ADGRL3: variants seen among roughly 807,000 people sequenced by gnomAD.
ADGRL3 encodes adhesion G protein-coupled receptor L3.
In ADGRL3, 62 loss-of-function variants were observed where a neutral mutation model predicts 153.5. The observed-to-expected ratio is 0.40, with a 90% CI of 0.33 to 0.50. ADGRL3 has a LOEUF of 0.50. Ranked by LOEUF, ADGRL3 falls within the 20% of genes least tolerant of loss-of-function variation. ADGRL3 has a pLI of 0.47. For synonymous variants in ADGRL3, 710 were observed against 672.5 expected (o/e 1.06, Z -0.86); for missense variants, 1,641 against 1,859.4 (o/e 0.88, Z 2.16).
chr4:61,471,258 T>G (rs1184364808), intron 2 of ADGRL3, among the ~76,000 whole-genome samples: 1 of 151,752 alleles, frequency 6.6e-6, no homozygotes, highest in Non-Finnish European at 1.5e-5. Flanking sequence ...GCTTTAAGTG[T>G]TTTTTTAAAA....
chr4:61,611,246 C>A (rs1348696336), intron 5 of ADGRL3, among the ~76,000 whole-genome samples: 4 of 152,014 alleles, frequency 2.6e-5, no homozygotes, highest in Non-Finnish European at 5.9e-5. Context: ...TGCGGAAGAA[C>A]CCTTACAGGT....
intron 6 of ADGRL3, among the ~76,000 whole-genome samples, chr4:61,688,750 A>C (rs2095490315): frequency 6.6e-6 from 1 of 152,104 alleles, no homozygotes; most frequent in African/African-American, 2.4e-5. Context: ...TATTTGTATA[A>C]TTTCACAGAC....
At chr4:61,755,985 G>A (rs541625065) in intron 8 of ADGRL3, among the ~76,000 whole-genome samples, 5 of 152,240 alleles carry the variant, frequency 3.3e-5, no homozygotes, top group South Asian at 2.1e-4. Context: ...CTATATCTCT[G>A]TTTTGGTACC....
At chr4:61,958,400 T>C (rs970029609) in intron 17 of ADGRL3, among the ~76,000 whole-genome samples, 2 of 151,898 alleles carry the variant, frequency 1.3e-5, no homozygotes, top group East Asian at 3.9e-4. Context: ...TTTCTTTCTT[T>C]CTTTCTTTCT....
intron 2 of ADGRL3, among the ~76,000 whole-genome samples, chr4:61,426,446 T>TG (rs34515984): frequency 0.46 from 70,111 of 151,940 alleles, 16,447 homozygotes; most frequent in Middle Eastern, 0.6. Context: ...CCATCGGGAA[T>TG]GGGGGGGTGC....
chr4:61,957,906 C>G (rs986956602), intron 17 of ADGRL3, among the ~76,000 whole-genome samples: 1 of 151,478 alleles, frequency 6.6e-6, no homozygotes, highest in African/African-American at 2.4e-5. Flanking sequence ...ATAAAACACA[C>G]TCTGCCTCTT....
chr4:61,955,378 A>C (rs1278364175), intron 17 of ADGRL3, among the ~76,000 whole-genome samples: 1 of 152,304 alleles, frequency 6.6e-6, no homozygotes, highest in Non-Finnish European at 1.5e-5. Flanking sequence ...ATAATAATGA[A>C]TGCTTACTAA....
intron 21 of ADGRL3, among the ~76,000 whole-genome samples, chr4:62,002,309 G>T (rs1211377430): frequency 6.8e-6 from 1 of 147,692 alleles, no homozygotes; most frequent in Non-Finnish European, 1.5e-5. Context: ...TGGCCCTCTG[G>T]CCCTTCTAGA....
At chr4:61,950,573 A>G (rs1581599770) in intron 17 of ADGRL3, among the ~76,000 whole-genome samples, 1 of 152,238 alleles carries the variant, frequency 6.6e-6, no homozygotes, top group African/African-American at 2.4e-5. Flanking sequence ...ACAAATATCT[A>G]AATTTAAGAT....
At chr4:61,714,221 G>GCACACACACACA (rs57350284) in intron 6 of ADGRL3, among the ~76,000 whole-genome samples, 116 of 150,850 alleles carry the variant, frequency 7.7e-4, no homozygotes, top group African/African-American at 2.0e-3. Context: ...TGTAAAATAC[G>GCACACACACACA]CACACACACA....
At chr4:61,401,173 T>C (rs2152113743) in intron 2 of ADGRL3, among the ~76,000 whole-genome samples, 1 of 151,926 alleles carries the variant, frequency 6.6e-6, no homozygotes, top group Non-Finnish European at 1.5e-5. Context: ...AAGAAAGTTA[T>C]TTAAACTTTC....
chr4:61,829,397 T>C (rs1026003858), intron 9 of ADGRL3, among the ~76,000 whole-genome samples: 4 of 152,188 alleles, frequency 2.6e-5, no homozygotes, highest in Admixed American at 2.0e-4. Context: ...TTTTAAAACA[T>C]AAGATGTTTT....
intron 9 of ADGRL3, among the ~76,000 whole-genome samples, chr4:61,857,595 C>A (rs565665220): frequency 6.6e-6 from 1 of 150,834 alleles, no homozygotes; most frequent in African/African-American, 2.4e-5. Flanking sequence ...TATACACAGC[C>A]GAGAAAGGTG....
intron 5 of ADGRL3, among the ~76,000 whole-genome samples, chr4:61,597,653 G>A (rs1382438137): frequency 6.7e-6 from 1 of 148,458 alleles, no homozygotes; most frequent in Non-Finnish European, 1.5e-5. Context: ...GGTAATGGTC[G>A]TTTTTTGTTT....
At chr4:61,801,016 A>G (rs1039505783) in intron 8 of ADGRL3, among the ~76,000 whole-genome samples, 5 of 152,192 alleles carry the variant, frequency 3.3e-5, no homozygotes, top group East Asian at 1.9e-4. Context: ...TGAAAAGATC[A>G]TTAATAAGGT....
chr4:61,484,221 T>A (rs1199475799), intron 2 of ADGRL3, among the ~76,000 whole-genome samples: 4 of 152,150 alleles, frequency 2.6e-5, no homozygotes, highest in African/African-American at 7.2e-5. Context: ...CTAAGTGAGA[T>A]GAATGGAACA....
intron 1 of ADGRL3, among the ~76,000 whole-genome samples, chr4:61,317,052 A>T (rs902445629): frequency 4.6e-5 from 7 of 152,208 alleles, no homozygotes; most frequent in African/African-American, 1.7e-4. Context: ...CTTTGCAAGT[A>T]TTTCTTTCAT....
At chr4:61,925,835 A>G (rs571554416) in intron 13 of ADGRL3, among the ~76,000 whole-genome samples, 3 of 152,334 alleles carry the variant, frequency 2.0e-5, no homozygotes, top group Non-Finnish European at 4.4e-5. Flanking sequence ...TATCTCATGA[A>G]CTATATGTGA....
chr4:62,045,215 TTC>T (rs1730486748), intron 25 of ADGRL3, among the ~76,000 whole-genome samples: 1 of 151,692 alleles, frequency 6.6e-6, no homozygotes, highest in South Asian at 2.1e-4. Flanking sequence ...CTCTCTCCCT[TTC>T]TCTGTCTCTC....
Sources: gnomAD v4.1 joint callset for allele counts (sites outside exome capture counted in the v4.1 genomes callset) on GRCh38, gnomAD v4.1.1 for gene constraint, MANE v1.5 for transcripts, NCBI Gene and HGNC (gene_info 2026-07-23, HGNC 2026-07-21) for gene names.